Variants in DOP1B observed in about 807,000 individuals in gnomAD.
DOP1B encodes the protein DOP1 leucine zipper like protein B, also known as protein DOP1B.
Under a neutral mutation model 233.5 loss-of-function variants are expected in DOP1B, and 174 were observed. The ratio of observed to expected loss-of-function variants is 0.75; its 90% CI spans 0.66 to 0.85. The LOEUF is 0.85. DOP1B is among the 40% of genes least tolerant of loss of function. The pLI, the probability that DOP1B is intolerant of heterozygous loss-of-function variation, is 0.00. For missense variants in DOP1B, 2,652 were observed against 2,846.6 expected (o/e 0.93, Z 1.56); for synonymous variants, 1,190 against 1,185.6 (o/e 1.00, Z -0.08).
rs753901076 is a variant in DOP1B, at chr21:36,208,860, G to A, written c.637G>A (p.Gly213Ser). Residue 213 changes from glycine to serine, a missense_variant, in exon 5 of 37, where the codon GGC (glycine) becomes AGC (serine). Gly to Ser is a moderately conservative substitution (Grantham distance 56). Around this residue, in one of 3 missense-constraint regions of DOP1B, gnomAD observed 2,617 missense variants for 2,794.3 expected, o/e 0.94. Coordinates refer to ENST00000691173, the MANE Select transcript of DOP1B (RefSeq NM_001320714.2). ...GGGCCACATCAACAGGGATGCCCCC[G>A]GCCGGGAGCAGAAGTACATGCTGGG... ...VVGHINRDAP[G>S]REQKYMLGTN... 2.7e-5 allele frequency: 42 copies of A among 1,570,740 alleles called. No individual in the cohort carries two copies. Among genetic ancestry groups the A allele is most frequent in the South Asian group, 2.6e-4 (22 of 84,504 alleles).
intron 2 of DOP1B, among the ~76,000 whole-genome samples, chr21:36,195,314 C>T (rs1387699250): frequency 7.2e-6 from 1 of 139,784 alleles, no homozygotes; most frequent in East Asian, 2.1e-4. Flanking sequence ...GCACTCCAGC[C>T]TTGGTGACAG....
intron 2 of DOP1B, among the ~76,000 whole-genome samples, chr21:36,198,826 C>G (rs28657857): frequency 0.16 from 24,216 of 152,264 alleles, 2,307 homozygotes; most frequent in South Asian, 0.21. Context: ...CCATCACGGG[C>G]TCAGAGGTGT....
chr21:36,249,303 C>T (rs2067006473), intron 21 of DOP1B, among the ~76,000 whole-genome samples: 1 of 152,168 alleles, frequency 6.6e-6, no homozygotes, highest in South Asian at 2.1e-4. Context: ...TGGCAGGCAC[C>T]TGTAGTCCGA....
rs147058244 is a variant in DOP1B at position 36,241,369 on chromosome 21, C to T, written c.3067+1414C>T. On this transcript the variant is annotated intron_variant, in intron 18 of 36. Coordinates refer to ENST00000691173, the MANE Select transcript of DOP1B (RefSeq NM_001320714.2). ...CACTTCAAAGACAGTTATAAGCTAA[C>T]GCTGTTCGAGAAGTTGAAACCAAAG... is the stretch of plus-strand genomic sequence containing the variant. 3.5e-3 allele frequency among the ~76,000 whole-genome samples: 538 copies of T among 152,094 alleles called. 4 individuals carry two copies. The highest frequency in any genetic ancestry group is 0.024 in the Middle Eastern group (7 of 294).
Position 36,230,881 on chromosome 21 carries a change from G to C in DOP1B, c.2097G>C (p.Leu699Phe), listed in dbSNP as rs745818881. Reference protein sequence around the residue: ...VPQFKQMLSDLFTARGSPFKT... With the variant: ...VPQFKQMLSDFFTARGSPFKT... The stretch of plus-strand genomic sequence containing the variant: ...AGTTCAAGCAGATGCTGTCAGACTT[G>C]TTCACAGCACGAGGGTCTCCATTCA... The change falls in exon 14 of 37, where the codon TTG becomes TTC. Residue 699 changes from leucine to phenylalanine, a missense_variant. Around this residue, in one of 3 missense-constraint regions of DOP1B, gnomAD observed 2,617 missense variants for 2,794.3 expected, o/e 0.94. Coordinates refer to ENST00000691173, the MANE Select transcript of DOP1B (RefSeq NM_001320714.2). 2 of 1,614,120 alleles carry C rather than the reference G, an allele frequency of 1.2e-6. No individual in the cohort carries two copies. Among genetic ancestry groups the C allele is most frequent in the Admixed American group, 1.7e-5 (1 of 60,020 alleles).
At chr21:36,170,370 G>A (rs541404596) in intron 2 of DOP1B, 10 of 228,626 alleles carry the variant, frequency 4.4e-5, no homozygotes, top group East Asian at 2.9e-4. Flanking sequence ...GGCCGAGGCC[G>A]GCAGATCATG....
intron 18 of DOP1B, among the ~76,000 whole-genome samples, chr21:36,240,805 T>G (rs1216846915): frequency 2.0e-5 from 3 of 152,242 alleles, no homozygotes; most frequent in African/African-American, 7.2e-5. Flanking sequence ...TTTAATGACT[T>G]CACAATTTTC....
At chr21:36,204,059 A>G (rs1006817930) in intron 4 of DOP1B, among the ~76,000 whole-genome samples, 1 of 152,136 alleles carries the variant, frequency 6.6e-6, no homozygotes, top group Non-Finnish European at 1.5e-5. Context: ...TTAAATCAGT[A>G]ATTTTCAATG....
intron 32 of DOP1B, among the ~76,000 whole-genome samples, chr21:36,282,825 A>C (rs1045869067): frequency 1.3e-5 from 2 of 151,738 alleles, no homozygotes; most frequent in African/African-American, 2.4e-5. Flanking sequence ...AAAATACAAA[A>C]ATAAGCCTGG....
intron 2 of DOP1B, among the ~76,000 whole-genome samples, chr21:36,193,399 GTTC>G (rs769784825): frequency 2.6e-5 from 4 of 152,156 alleles, no homozygotes; most frequent in Non-Finnish European, 4.4e-5. Flanking sequence ...GTTTGTTCAG[GTTC>G]TTCTTGGTGC....
intron 2 of DOP1B, chr21:36,169,038 T>G: frequency 1.2e-6 from 1 of 847,624 alleles, no homozygotes; most frequent in Non-Finnish European, 2.0e-6. Flanking sequence ...TTCTCCTCCA[T>G]GGTCTGGAAG....
chr21:36,158,849 C>T (rs966742195), intron 1 of DOP1B, among the ~76,000 whole-genome samples: 8 of 151,192 alleles, frequency 5.3e-5, no homozygotes, highest in Admixed American at 1.3e-4. Context: ...TGCATAAGGC[C>T]AGGTGCAGTG....
chr21:36,189,069 C>T (rs2066199758), intron 2 of DOP1B, among the ~76,000 whole-genome samples: 1 of 152,146 alleles, frequency 6.6e-6, no homozygotes, highest in Non-Finnish European at 1.5e-5. Context: ...TCATCGTGTT[C>T]CCTACACAGA....
rs138432042 is a variant in DOP1B at position 36,242,566 on chromosome 21, A to G, written c.3068-2482A>G. Among the ~76,000 whole-genome samples, 134 of 151,954 alleles carry G rather than the reference A, an allele frequency of 8.8e-4. 1 individual carries two copies. Among genetic ancestry groups the G allele is most frequent in the African/African-American group, 2.8e-3 (118 of 41,444 alleles). On this transcript the variant is annotated intron_variant, in intron 18 of 36. Coordinates refer to ENST00000691173, the MANE Select transcript of DOP1B (RefSeq NM_001320714.2). The stretch of plus-strand genomic sequence containing the variant: ...GAGCTCAAGTGTTCCACCCGCCTCA[A>G]CCTTCCAAAATGCTGGGATTACAGG...
At position 36,245,221 on chromosome 21, in the gene DOP1B, C is replaced by A. The variant is rs766473651; in HGVS notation, c.3241C>A (p.Arg1081=). The change falls in exon 19 of 37, where the codon CGA becomes AGA. Residue 1081 remains arginine (R), a synonymous_variant. Coordinates refer to ENST00000691173, the MANE Select transcript of DOP1B (RefSeq NM_001320714.2). This position sits in a 1 kb window ranked among gnomAD's most constrained non-coding sequence, Gnocchi z 5.5. ...GAAGGAGCCCGAGAAGTACCCGCTGCGAGGCGAGCTGAGCGAGGAAGAGCT... is the reference window on the plus strand; with the variant it reads ...GAAGGAGCCCGAGAAGTACCCGCTGAGAGGCGAGCTGAGCGAGGAAGAGCT... ...VEKEPEKYPL[R]GELSEEELPY... is the part of the protein sequence containing the mutation. 6.2e-7 allele frequency: 1 copy of A among 1,614,080 alleles called. No individual in the cohort carries two copies. The highest frequency in any genetic ancestry group is 1.7e-5 in the Admixed American group (1 of 60,024).
intron 26 of DOP1B, among the ~76,000 whole-genome samples, chr21:36,268,667 G>A (rs945017416): frequency 2.0e-5 from 3 of 152,120 alleles, no homozygotes; most frequent in Non-Finnish European, 4.4e-5. Flanking sequence ...GGCTCCAGTC[G>A]GTCCCTTTGT....
At chr21:36,164,049 G>A (rs563624621) in intron 1 of DOP1B, among the ~76,000 whole-genome samples, 2 of 152,294 alleles carry the variant, frequency 1.3e-5, no homozygotes, top group Middle Eastern at 6.8e-3. Flanking sequence ...CTGTCACATG[G>A]CCACCTAGAT....
chr21:36,281,341 G>A, intron 31 of DOP1B, 142 bp from the exon 32 acceptor site: 1 of 783,396 alleles, frequency 1.3e-6, no homozygotes, highest in Non-Finnish European at 1.9e-6. Context: ...AATATACATG[G>A]GAACAGTAAT....
chr21:36,232,722 G>A (rs1440503788), intron 14 of DOP1B, 82 bp from the exon 15 acceptor site: 1 of 1,572,382 alleles, frequency 6.4e-7, no homozygotes, highest in African/African-American at 1.4e-5. Flanking sequence ...CCCAGATCTA[G>A]GGTGCTGTAG....
Sources: gnomAD v4.1 joint callset for allele counts (sites outside exome capture counted in the v4.1 genomes callset) on GRCh38, gnomAD v4.1.1 for gene constraint, gnomAD v4.1.1 regional missense constraint, Gnocchi (gnomAD v3.1) non-coding constraint, MANE v1.5 for transcripts, NCBI Gene and HGNC (gene_info 2026-07-23, HGNC 2026-07-21) for gene names.